Variants in SNX27 observed in about 807,000 individuals in gnomAD.
SNX27 encodes the protein sorting nexin-27.
Under a neutral mutation model 71.6 loss-of-function variants are expected in SNX27, and 22 were observed. The ratio of observed to expected loss-of-function variants is 0.31; its 90% CI spans 0.22 to 0.44. SNX27 has a LOEUF of 0.44. SNX27 is among the 20% of genes least tolerant of loss of function. The probability of loss-of-function intolerance (pLI) is 1.00; values close to 1 mark genes in which losing one functional copy is unlikely to be tolerated. For missense variants in SNX27, 531 were observed against 698.6 expected (o/e 0.76, Z 2.70); for synonymous variants, 269 against 277.2 (o/e 0.97, Z 0.29).
Position 151,694,582 on chromosome 1 carries a change from T to C in SNX27, c.*165T>C. On this transcript the variant is annotated 3_prime_UTR_variant, in exon 12 of 12. Transcript: ENST00000458013. Reference sequence around the variant, plus strand: ...TTAATAACCCCCTCTGAATTTCATGTCTCTGGAATTGAGGTGGTAGTGAAC... The same window carrying C: ...TTAATAACCCCCTCTGAATTTCATGCCTCTGGAATTGAGGTGGTAGTGAAC... 1.5e-6 allele frequency: 1 copy of C among 657,792 alleles called. No homozygotes were observed. The highest frequency in any genetic ancestry group is 2.4e-6 in the Non-Finnish European group (1 of 417,520). The allele number at this position is 657,792 out of a possible 1,614,324, so 40.7% of individuals were successfully genotyped here.
chr1:151,667,596 CG>C (rs35378343), intron 6 of SNX27, among the ~76,000 whole-genome samples: 61,533 of 151,566 alleles, frequency 0.41, 14,337 homozygotes, highest in Non-Finnish European at 0.55. Flanking sequence ...GAGGCCGAGG[CG>C]GGCGGATCAC....
At chr1:151,639,622 G>T (rs749463403) in intron 2 of SNX27, among the ~76,000 whole-genome samples, 1 of 152,142 alleles carries the variant, frequency 6.6e-6, no homozygotes, top group Admixed American at 6.5e-5. Context: ...GGAGATATCC[G>T]TGTGAATGAT....
At chr1:151,663,787 T>TA (rs1454299599) in intron 5 of SNX27, among the ~76,000 whole-genome samples, 3 of 152,180 alleles carry the variant, frequency 2.0e-5, no homozygotes, top group African/African-American at 7.2e-5. Flanking sequence ...GGTTAACCAG[T>TA]AGGTTTAGGT....
chr1:151,677,179 A>G (rs1670739015), intron 7 of SNX27: 1 of 152,026 alleles, frequency 6.6e-6, no homozygotes, highest in African/African-American at 2.4e-5. Context: ...TACTATTCCA[A>G]CTGGAATTTT....
At chr1:151,658,465 C>T (rs199840122) in intron 3 of SNX27, 38 bp downstream of exon 3, 50 of 1,562,238 alleles carry the variant, frequency 3.2e-5, no homozygotes, top group African/African-American at 9.5e-5. Context: ...ATTGAGTAGA[C>T]GTAGGTTCTA....
intron 5 of SNX27, among the ~76,000 whole-genome samples, chr1:151,665,510 A>G (rs1178326591): frequency 1.3e-5 from 2 of 152,344 alleles, no homozygotes; most frequent in East Asian, 3.9e-4. Flanking sequence ...AATGTATTAA[A>G]TGTAGGCTGA....
intron 8 of SNX27, among the ~76,000 whole-genome samples, chr1:151,691,794 G>A (rs1276359442): frequency 2.6e-5 from 4 of 152,036 alleles, no homozygotes; most frequent in South Asian, 2.1e-4. Context: ...GATTACCGGC[G>A]TGAGCCACCG....
intron 3 of SNX27, chr1:151,659,978 C>T (rs184327195): frequency 1.2e-4 from 18 of 152,276 alleles, no homozygotes; most frequent in African/African-American, 4.3e-4. Flanking sequence ...GGAGCCTTAT[C>T]GTGAAGAGAA....
At position 151,612,417 on chromosome 1, in the gene SNX27, G is replaced by A. The variant is rs1215246492; in HGVS notation, c.216G>A (p.Gly72=). Residue 72 remains glycine, a synonymous_variant, in exon 1 of 12, where the codon GGG becomes GGA. Transcript: ENST00000458013. The surrounding 1 kb of genome is among the most constrained non-coding windows in gnomAD (Gnocchi z 5.2). ...GCGGGCAACTGCGGAGCATCAACGG[G>A]GAGCTGTACGCGCCGCTGCAGCATG... The part of the protein sequence containing the change: ...SEGGQLRSIN[G]ELYAPLQHVS... The A allele has an allele frequency of 1.3e-6, 2 of 1,502,974 alleles. No homozygotes were observed. The highest frequency in any genetic ancestry group is 1.8e-6 in the Non-Finnish European group (2 of 1,127,810). 93.1% of individuals were successfully genotyped at this position (1,502,974 alleles called of 1,614,324 possible). A position where few individuals can be genotyped will look rare whatever the true frequency, so the allele number is the denominator to read the frequency against.
intron 7 of SNX27, chr1:151,679,184 A>T (rs1045457215): frequency 6.6e-6 from 1 of 152,208 alleles, no homozygotes; most frequent in Non-Finnish European, 1.5e-5. Flanking sequence ...AATGTTATCA[A>T]TTATAAGATG....
intron 8 of SNX27, among the ~76,000 whole-genome samples, chr1:151,688,631 CAA>C (rs34779390): frequency 1.5e-4 from 18 of 116,788 alleles, no homozygotes; most frequent in Non-Finnish European, 1.7e-4. Context: ...GACTCTGTCT[CAA>C]AAAAAAAAAA....
intron 2 of SNX27, among the ~76,000 whole-genome samples, chr1:151,653,843 T>TG (rs1157705592): frequency 5.3e-5 from 8 of 149,896 alleles, no homozygotes; most frequent in Non-Finnish European, 7.4e-5. Context: ...TTTGTTTTTT[T>TG]TTTTTTTTGA....
intron 11 of SNX27, 87 bp from the exon 12 acceptor site, chr1:151,694,283 C>A (rs1404700357): frequency 6.5e-7 from 1 of 1,535,460 alleles, no homozygotes; most frequent in African/African-American, 1.4e-5. Context: ...GTCATCCAGG[C>A]ATACCTTTTT....
chr1:151,642,154 A>G (rs1030145916), intron 2 of SNX27, among the ~76,000 whole-genome samples: 2 of 151,812 alleles, frequency 1.3e-5, no homozygotes, highest in African/African-American at 4.8e-5. Context: ...AGATCACCTG[A>G]GGTCGGTGGA....
chr1:151,618,326 A>G (rs776914122), intron 1 of SNX27, among the ~76,000 whole-genome samples: 5 of 152,176 alleles, frequency 3.3e-5, no homozygotes, highest in Admixed American at 1.3e-4. Flanking sequence ...TATTATTGCT[A>G]TCTTTACCCT....
intron 4 of SNX27, 182 bp downstream of exon 4, chr1:151,661,044 G>T (rs902942823): frequency 1.9e-5 from 10 of 526,608 alleles, no homozygotes; most frequent in Admixed American, 6.4e-5. Context: ...CTTTCTCTTT[G>T]AAGTGCCAGG....
At chr1:151,624,618 G>A (rs12733147) in intron 1 of SNX27, among the ~76,000 whole-genome samples, 28,755 of 150,872 alleles carry the variant, frequency 0.19, 3,078 homozygotes, top group Middle Eastern at 0.34. Context: ...TTTTAATAGA[G>A]ATGGGGTTTC....
At chr1:151,693,224 C>A (rs1671539567) in intron 10 of SNX27, 185 bp downstream of exon 10, 1 of 972,130 alleles carries the variant, frequency 1.0e-6, no homozygotes. Flanking sequence ...TGGCAATTTC[C>A]TATCCCACTT....
intron 2 of SNX27, among the ~76,000 whole-genome samples, chr1:151,647,308 CT>C (rs1456147796): frequency 6.6e-6 from 1 of 151,878 alleles, no homozygotes; most frequent in African/African-American, 2.4e-5. Flanking sequence ...AGCCACCATA[CT>C]TGGCTAATTT....
Sources: allele counts gnomAD v4.1 joint callset (sites outside exome capture counted in the v4.1 genomes callset), GRCh38; gene constraint gnomAD v4.1.1; non-coding constraint Gnocchi (gnomAD v3.1); transcripts MANE v1.5; gene names NCBI Gene and HGNC (gene_info 2026-07-23, HGNC 2026-07-21).